The following GJA1 variants were observed in gnomAD, a reference collection of about 807,000 sequenced individuals.
The protein encoded by GJA1 is gap junction protein alpha 1.
A neutral mutation model predicts 31.0 loss-of-function variants in GJA1; 9 were observed. The ratio of observed to expected loss-of-function variants is 0.29; its 90% CI spans 0.17 to 0.51. The LOEUF is 0.51. Among genes scored for constraint, GJA1 ranks in the 20% least tolerant of loss-of-function variants. The pLI, the probability that GJA1 is intolerant of heterozygous loss-of-function variation, is 0.98. For missense variants in GJA1, 278 were observed against 468.8 expected (o/e 0.59, Z 3.76); for synonymous variants, 186 against 180.1 (o/e 1.03, Z -0.26).
chr6:121,440,162 A>T (rs1773745098), intron 1 of GJA1, among the ~76,000 whole-genome samples: 1 of 152,094 alleles, frequency 6.6e-6, no homozygotes, highest in Non-Finnish European at 1.5e-5. Context: ...AATCGGAGTT[A>T]GAACATCGTA....
At chr6:121,442,789 G>T (rs1186943835) in intron 1 of GJA1, among the ~76,000 whole-genome samples, 1 of 152,220 alleles carries the variant, frequency 6.6e-6, no homozygotes, top group Admixed American at 6.5e-5. Flanking sequence ...AGTGCCTGTA[G>T]CTTTGGGCAT....
intron 1 of GJA1, among the ~76,000 whole-genome samples, chr6:121,440,105 TTTC>T (rs1773743565): frequency 6.6e-6 from 1 of 152,236 alleles, no homozygotes. Flanking sequence ...AAACAGGCTA[TTTC>T]TTCTTGTAAT....
intron 1 of GJA1, among the ~76,000 whole-genome samples, chr6:121,436,217 G>T (rs1773661392): frequency 6.7e-6 from 1 of 148,672 alleles, no homozygotes; most frequent in Non-Finnish European, 1.5e-5. Flanking sequence ...TGGGTTGGGG[G>T]ATTTGACTGA....
chr6:121,436,194 GC>G (rs1481610298), intron 1 of GJA1, among the ~76,000 whole-genome samples: 34 of 97,134 alleles, frequency 3.5e-4, no homozygotes, highest in South Asian at 4.7e-4. Flanking sequence ...TGGGGGGGGG[GC>G]GGTTAGGCGC....
intron 1 of GJA1, among the ~76,000 whole-genome samples, chr6:121,440,938 T>C (rs1471717746): frequency 7.2e-6 from 1 of 138,712 alleles, no homozygotes; most frequent in Non-Finnish European, 1.5e-5. Flanking sequence ...TTGTTGTTGT[T>C]GTTGTTTGTC....
chr6:121,439,865 T>G (rs1460709613), intron 1 of GJA1, among the ~76,000 whole-genome samples: 1 of 152,194 alleles, frequency 6.6e-6, no homozygotes, highest in Non-Finnish European at 1.5e-5. Context: ...ACAGTAAGTT[T>G]GATACACTAT....
At chr6:121,446,708 G>A (rs896582537) in intron 1 of GJA1, 124 bp from the exon 2 acceptor site, 2 of 768,472 alleles carry the variant, frequency 2.6e-6, no homozygotes, top group Non-Finnish European at 4.6e-6. Flanking sequence ...TTGGTTTTTT[G>A]TGAAAGAATG....
At chr6:121,440,668 A>G (rs1220546390) in intron 1 of GJA1, among the ~76,000 whole-genome samples, 1 of 146,456 alleles carries the variant, frequency 6.8e-6, no homozygotes, top group African/African-American at 2.6e-5. Flanking sequence ...TTTGCACAGT[A>G]TCTTTCTATT....
intron 1 of GJA1, among the ~76,000 whole-genome samples, chr6:121,436,228 C>T (rs1310529722): frequency 7.0e-6 from 1 of 143,866 alleles, no homozygotes; most frequent in East Asian, 2.1e-4. Context: ...ATTTGACTGA[C>T]TACATCGGAA....
chr6:121,446,248 T>C (rs1185467537), intron 1 of GJA1, among the ~76,000 whole-genome samples: 1 of 152,004 alleles, frequency 6.6e-6, no homozygotes, highest in Non-Finnish European at 1.5e-5. Context: ...TGAGCTGAGA[T>C]TGTGCCATTG....
intron 1 of GJA1, among the ~76,000 whole-genome samples, chr6:121,438,083 G>C (rs1444853138): frequency 6.6e-6 from 1 of 152,160 alleles, no homozygotes; most frequent in Non-Finnish European, 1.5e-5. Context: ...GAATTGACTG[G>C]AAATTATACC....
At chr6:121,437,338 C>A (rs10452640) in intron 1 of GJA1, among the ~76,000 whole-genome samples, 1,657 of 151,474 alleles carry the variant, frequency 0.011, 31 homozygotes, top group African/African-American at 0.038. Context: ...AATTTCCCAT[C>A]CCTCTCACAC....
intron 1 of GJA1, among the ~76,000 whole-genome samples, chr6:121,436,304 T>G (rs926699124): frequency 3.3e-5 from 5 of 151,980 alleles, no homozygotes; most frequent in African/African-American, 1.2e-4. Flanking sequence ...AATAAAGTGC[T>G]TTTTTCATAT....
intron 1 of GJA1, among the ~76,000 whole-genome samples, chr6:121,445,422 A>G (rs1287934767): frequency 1.3e-5 from 2 of 152,158 alleles, no homozygotes; most frequent in East Asian, 1.9e-4. Context: ...GCGTGAGTGC[A>G]TTATAGGCGT....
rs370694113 is a variant in GJA1, at chr6:121,439,178, C to A, written c.-17+3346C>A. 1.2e-4 allele frequency among the ~76,000 whole-genome samples: 18 copies of A among 152,136 alleles called. No homozygotes were observed. The East Asian group carries it at 1.9e-3, about 16-fold the overall frequency. On this transcript the variant is annotated intron_variant, in intron 1 of 1. Transcript: ENST00000282561. Reference sequence around the variant, plus strand: ...GAAAATGTATGTTTGTCAATCATTTCTTAGTTGCTGTTTTGCTAAAGAAAA... The same window carrying A: ...GAAAATGTATGTTTGTCAATCATTTATTAGTTGCTGTTTTGCTAAAGAAAA...
chr6:121,438,003 G>T (rs1773697731), intron 1 of GJA1, among the ~76,000 whole-genome samples: 1 of 152,008 alleles, frequency 6.6e-6, no homozygotes, highest in Non-Finnish European at 1.5e-5. Flanking sequence ...TCCCCCCCGC[G>T]CCAGGAATGA....
rs1229554532 is a variant in GJA1, at chr6:121,447,219, C to T, written c.372C>T (p.Asp124=). ...KVAQTDGVNV[D]MHLKQIEIKK... is the part of the protein sequence containing the mutation. ...CCCAAACTGATGGTGTCAATGTGGACATGCACTTGAAGCAGATTGAGATAA... is the reference window on the plus strand; with the variant it reads ...CCCAAACTGATGGTGTCAATGTGGATATGCACTTGAAGCAGATTGAGATAA... Residue 124 remains aspartate (D), a synonymous_variant, in exon 2 of 2, where the codon GAC becomes GAT. Coordinates refer to ENST00000282561, the MANE Select transcript of GJA1 (RefSeq NM_000165.5). 3 of 1,613,934 alleles carry T rather than the reference C, an allele frequency of 1.9e-6. No homozygotes were observed. The highest frequency in any genetic ancestry group is 1.7e-5 in the Admixed American group (1 of 59,998).
At chr6:121,446,336 T>C (rs1773889219) in intron 1 of GJA1, among the ~76,000 whole-genome samples, 1 of 152,170 alleles carries the variant, frequency 6.6e-6, no homozygotes, top group African/African-American at 2.4e-5. Context: ...AATAAAATGA[T>C]ATATAATAGC....
At chr6:121,440,252 T>C (rs1399485057) in intron 1 of GJA1, among the ~76,000 whole-genome samples, 2 of 152,046 alleles carry the variant, frequency 1.3e-5, no homozygotes, top group Non-Finnish European at 2.9e-5. Context: ...TGCAACAACC[T>C]AACAGTGAAC....
Sources: allele counts gnomAD v4.1 joint callset (sites outside exome capture counted in the v4.1 genomes callset), GRCh38; gene constraint gnomAD v4.1.1; transcripts MANE v1.5; gene names NCBI Gene and HGNC (gene_info 2026-07-23, HGNC 2026-07-21).